Variants in LRRC4C observed in about 807,000 individuals in gnomAD.
The protein encoded by LRRC4C is leucine rich repeat containing 4C.
LRRC4C carries 5 observed loss-of-function variants against 33.6 expected under a neutral mutation model. The observed-to-expected ratio is 0.15, with a 90% confidence interval of 0.08 to 0.31. The LOEUF is 0.31. Among genes scored for constraint, LRRC4C ranks in the 10% least tolerant of loss-of-function variants. The pLI, the probability that LRRC4C is intolerant of heterozygous loss-of-function variation, is 1.00. For missense variants in LRRC4C, 560 were observed against 796.7 expected (o/e 0.70, Z 3.58); for synonymous variants, 329 against 302.0 (o/e 1.09, Z -0.93).
At chr11:41,404,482 CTGTGTGTG>C (rs144992211) in intron 1 of LRRC4C, among the ~76,000 whole-genome samples, 1 of 145,964 alleles carries the variant, frequency 6.9e-6, no homozygotes, top group Non-Finnish European at 1.5e-5. Flanking sequence ...GTGTGTGTGT[CTGTGTGTG>C]TGTGTGTATA....
chr11:41,037,712 T>C (rs1857180082), intron 1 of LRRC4C, among the ~76,000 whole-genome samples: 1 of 152,136 alleles, frequency 6.6e-6, no homozygotes, highest in Admixed American at 6.6e-5. Context: ...AAAAGCTAAA[T>C]TGCTCAAGAT....
chr11:40,838,272 G>A (rs1952763675), intron 2 of LRRC4C, among the ~76,000 whole-genome samples: 1 of 152,114 alleles, frequency 6.6e-6, no homozygotes. Context: ...GTTTCAGATG[G>A]CTTTGGCTAA....
At chr11:40,834,911 G>GACACACACACACACACACACACAC (rs10682975) in intron 2 of LRRC4C, among the ~76,000 whole-genome samples, 3 of 84,824 alleles carry the variant, frequency 3.5e-5, no homozygotes, top group African/African-American at 7.0e-5. Context: ...CAGACAGACA[G>GACACACACACACACACACACACAC]ACACACACAC....
At chr11:40,484,172 A>G (rs1425788525) in intron 3 of LRRC4C, among the ~76,000 whole-genome samples, 2 of 152,120 alleles carry the variant, frequency 1.3e-5, no homozygotes, top group Non-Finnish European at 2.9e-5. Context: ...TAACAGAAAT[A>G]CTTTATTCCT....
At chr11:40,895,193 A>T (rs1955885235) in intron 2 of LRRC4C, among the ~76,000 whole-genome samples, 1 of 152,128 alleles carries the variant, frequency 6.6e-6, no homozygotes, top group Non-Finnish European at 1.5e-5. Flanking sequence ...AAGCAATAAA[A>T]TTTAACATTT....
rs1276334767 is a variant in LRRC4C, at chr11:40,182,764, TTA to T, written c.-95-41913_-95-41912del. ...CTAGGTTGACAGGTAATTTGTTCAT[TTA>T]TGTGTTTTTCAGCTTTATCTGTCTT... On this transcript the variant is annotated intron_variant, in intron 5 of 6. Transcript: ENST00000528697. 1.1e-4 allele frequency among the ~76,000 whole-genome samples: 17 copies of T among 152,190 alleles called. 1 individual carries two copies. The highest frequency in any genetic ancestry group is 1.3e-4 in the Admixed American group (2 of 15,286).
In LRRC4C at chr11:40,774,023, C is replaced by G. The variant is rs796540661; in HGVS notation, c.-406-125745G>C. Among the ~76,000 whole-genome samples the G allele has an allele frequency of 1.5e-4, 23 of 152,186 alleles. 1 individual carries two copies. The highest frequency in any genetic ancestry group is 5.5e-4 in the African/African-American group (23 of 41,560). On this transcript the variant is annotated intron_variant, in intron 2 of 6. Coordinates refer to ENST00000528697, the MANE Select transcript of LRRC4C (RefSeq NM_001258419.2). ...GCAATCACTCTGATTCTCTCCTCAC[C>G]TATCCCTGGCAACTATTAATCTGCT...
At chr11:41,284,683 A>G (rs1021235129) in intron 1 of LRRC4C, among the ~76,000 whole-genome samples, 4 of 152,164 alleles carry the variant, frequency 2.6e-5, no homozygotes. Flanking sequence ...CTTACAATCA[A>G]TCAGTCAATA....
intron 2 of LRRC4C, among the ~76,000 whole-genome samples, chr11:40,655,892 C>A (rs546493665): frequency 2.6e-4 from 39 of 152,182 alleles, no homozygotes; most frequent in African/African-American, 8.2e-4. Context: ...GGAGGGGAAG[C>A]TAGGCAAGTC....
At chr11:40,469,876 C>T (rs1337669998) in intron 3 of LRRC4C, among the ~76,000 whole-genome samples, 1 of 152,138 alleles carries the variant, frequency 6.6e-6, no homozygotes, top group African/African-American at 2.4e-5. Flanking sequence ...AAGGCAGCAG[C>T]CCCAGTCAGG....
chr11:40,930,595 A>T (rs1957578047), intron 2 of LRRC4C, among the ~76,000 whole-genome samples: 1 of 152,162 alleles, frequency 6.6e-6, no homozygotes, highest in Admixed American at 6.6e-5. Context: ...TTACCAAATT[A>T]GAGACTGAGA....
intron 2 of LRRC4C, among the ~76,000 whole-genome samples, chr11:40,853,995 AT>A (rs1402339099): frequency 3.9e-5 from 6 of 152,062 alleles, no homozygotes; most frequent in Admixed American, 1.3e-4. Context: ...GTAATCAAAA[AT>A]ATCACAATTC....
intron 2 of LRRC4C, among the ~76,000 whole-genome samples, chr11:40,775,708 A>T (rs1314575418): frequency 6.6e-6 from 1 of 152,180 alleles, no homozygotes; most frequent in East Asian, 1.9e-4. Flanking sequence ...ATACAAAATC[A>T]TATTGTAAGT....
At chr11:40,711,093 A>T (rs971609915) in intron 2 of LRRC4C, among the ~76,000 whole-genome samples, 1 of 152,186 alleles carries the variant, frequency 6.6e-6, no homozygotes, top group Non-Finnish European at 1.5e-5. Flanking sequence ...CCTGGTACAG[A>T]CTGTCACAGC....
chr11:40,221,056 A>C (rs1864379729), intron 5 of LRRC4C, among the ~76,000 whole-genome samples: 1 of 151,896 alleles, frequency 6.6e-6, no homozygotes, highest in Non-Finnish European at 1.5e-5. Flanking sequence ...TTGTTTTTTT[A>C]GTAGAGACGG....
chr11:41,139,149 A>G (rs1246118530), intron 1 of LRRC4C, among the ~76,000 whole-genome samples: 1 of 152,188 alleles, frequency 6.6e-6, no homozygotes, highest in African/African-American at 2.4e-5. Context: ...TTAATATAGT[A>G]TTTTTAAAAT....
At chr11:40,257,963 C>T (rs1000068205) in intron 4 of LRRC4C, among the ~76,000 whole-genome samples, 4 of 152,140 alleles carry the variant, frequency 2.6e-5, no homozygotes, top group African/African-American at 7.2e-5. Context: ...TATAACAGGT[C>T]CCGGGTAGAA....
At chr11:40,685,607 A>G (rs1944914342) in intron 2 of LRRC4C, among the ~76,000 whole-genome samples, 1 of 151,996 alleles carries the variant, frequency 6.6e-6, no homozygotes, top group Non-Finnish European at 1.5e-5. Context: ...AACCTGGAAA[A>G]TAGAATTCGA....
intron 2 of LRRC4C, among the ~76,000 whole-genome samples, chr11:40,808,048 C>T (rs781314563): frequency 6.6e-6 from 1 of 151,984 alleles, no homozygotes; most frequent in Non-Finnish European, 1.5e-5. Flanking sequence ...TCTTGGCTTC[C>T]TTATTTGTAA....
Sources: gnomAD v4.1 joint callset for allele counts (sites outside exome capture counted in the v4.1 genomes callset) on GRCh38, gnomAD v4.1.1 for gene constraint, MANE v1.5 for transcripts, NCBI Gene and HGNC (gene_info 2026-07-23, HGNC 2026-07-21) for gene names.